The following C16orf78 variants were observed in gnomAD, a reference collection of about 807,000 sequenced individuals.
C16orf78 encodes the protein uncharacterized protein C16orf78.
A neutral mutation model predicts 27.3 loss-of-function variants in C16orf78; 19 were observed. The ratio of observed to expected loss-of-function variants is 0.70; its 90% CI spans 0.49 to 1.02. The LOEUF (loss-of-function observed/expected upper bound fraction) is 1.02. Ranked by LOEUF, C16orf78 falls within the 50% of genes least tolerant of loss-of-function variation. The pLI, the probability that C16orf78 is intolerant of heterozygous loss-of-function variation, is 0.00. For missense variants in C16orf78, 339 were observed against 337.0 expected (o/e 1.01, Z -0.05); for synonymous variants, 130 against 116.1 (o/e 1.12, Z -0.77).
intron 3 of C16orf78, among the ~76,000 whole-genome samples, chr16:49,391,013 A>G (rs1175967429): frequency 1.3e-5 from 2 of 152,116 alleles, no homozygotes; most frequent in Non-Finnish European, 2.9e-5. Flanking sequence ...GACATGCCCA[A>G]TTTTTTAATT....
intron 3 of C16orf78, among the ~76,000 whole-genome samples, chr16:49,392,023 T>A (rs1596930224): frequency 6.6e-6 from 1 of 152,198 alleles, no homozygotes; most frequent in African/African-American, 2.4e-5. Context: ...TTGTGACACC[T>A]TGGGCAGGTC....
At chr16:49,377,952 C>G (rs27812) in intron 2 of C16orf78, 102 bp downstream of exon 2, 14 of 1,454,280 alleles carry the variant, frequency 9.6e-6, no homozygotes, top group Non-Finnish European at 1.3e-5. Flanking sequence ...TTCTAAATTT[C>G]AAGGCTCCGA....
chr16:49,388,678 A>G (rs1028219326), intron 3 of C16orf78, among the ~76,000 whole-genome samples: 6 of 152,056 alleles, frequency 3.9e-5, no homozygotes, highest in African/African-American at 1.2e-4. Flanking sequence ...TGGCCAGCAA[A>G]TTTTTGTATT....
chr16:49,396,153 G>A (rs573212354), intron 3 of C16orf78, among the ~76,000 whole-genome samples: 16 of 152,200 alleles, frequency 1.1e-4, no homozygotes, highest in Admixed American at 3.9e-4. Context: ...GAAGCAGGAG[G>A]ATCACTTGAA....
Position 49,399,422 on chromosome 16 carries a change from T to C in C16orf78, c.*144T>C, listed in dbSNP as rs1328444736. 6 of 977,066 alleles carry C rather than the reference T, an allele frequency of 6.1e-6. No homozygotes were observed. The highest frequency in any genetic ancestry group is 5.4e-5 in the South Asian group (3 of 55,800). The allele number at this position is 977,066 out of a possible 1,614,324, so 60.5% of individuals were successfully genotyped here. On this transcript the variant is annotated 3_prime_UTR_variant, in exon 5 of 5. Transcript: ENST00000299191. ...AAGCAATCAGAAAACAAGCCTCGGCTGTGTGATCATTGTGCTTCCGTAAGA... is the reference window on the plus strand; with the variant it reads ...AAGCAATCAGAAAACAAGCCTCGGCCGTGTGATCATTGTGCTTCCGTAAGA...
intron 2 of C16orf78, 38 bp downstream of exon 2, chr16:49,377,888 G>A: frequency 6.5e-7 from 1 of 1,549,724 alleles, no homozygotes; most frequent in Non-Finnish European, 8.7e-7. Context: ...CCCCCACTGG[G>A]TCTCCAAATG....
At chr16:49,379,272 T>C (rs937313878) in intron 3 of C16orf78, among the ~76,000 whole-genome samples, 7 of 152,124 alleles carry the variant, frequency 4.6e-5, no homozygotes, top group African/African-American at 1.7e-4. Context: ...GTGGTTTTTT[T>C]CTAAGTAAAA....
intron 3 of C16orf78, among the ~76,000 whole-genome samples, chr16:49,386,352 G>T (rs1198383313): frequency 1.3e-5 from 2 of 152,116 alleles, no homozygotes; most frequent in East Asian, 1.9e-4. Flanking sequence ...TAGACCAAAT[G>T]GACCTAACAT....
chr16:49,384,330 A>G (rs1363232664), intron 3 of C16orf78, among the ~76,000 whole-genome samples: 4 of 150,104 alleles, frequency 2.7e-5, no homozygotes, highest in Non-Finnish European at 5.9e-5. Flanking sequence ...CCTGGGCAAC[A>G]AGAGCAAAAC....
At chr16:49,383,672 C>T (rs897036155) in intron 3 of C16orf78, among the ~76,000 whole-genome samples, 1 of 152,210 alleles carries the variant, frequency 6.6e-6, no homozygotes, top group Non-Finnish European at 1.5e-5. Flanking sequence ...CATTGGCCTT[C>T]CTCAGTTATT....
chr16:49,375,876 GGTTAATAT>G (rs1441948245), intron 1 of C16orf78, among the ~76,000 whole-genome samples: 5 of 152,050 alleles, frequency 3.3e-5, no homozygotes, highest in African/African-American at 1.2e-4. Flanking sequence ...TCACTTCCCT[GGTTAATAT>G]GTTCAGGTCT....
chr16:49,386,077 T>C (rs1965347067), intron 3 of C16orf78, among the ~76,000 whole-genome samples: 1 of 152,160 alleles, frequency 6.6e-6, no homozygotes, highest in Non-Finnish European at 1.5e-5. Context: ...TATACTTATA[T>C]CAGATTTTAA....
intron 3 of C16orf78, among the ~76,000 whole-genome samples, chr16:49,386,474 A>G (rs939965385): frequency 6.6e-6 from 1 of 152,210 alleles, no homozygotes; most frequent in Admixed American, 6.5e-5. Context: ...GCAGTGGTAC[A>G]TGTGCAGATT....
intron 1 of C16orf78, among the ~76,000 whole-genome samples, chr16:49,377,513 C>G (rs1965233938): frequency 6.6e-6 from 1 of 152,200 alleles, no homozygotes; most frequent in East Asian, 1.9e-4. Flanking sequence ...GGAACAGGAC[C>G]AGGCCTGAGG....
chr16:49,398,429 TG>T (rs1176513618), intron 4 of C16orf78, among the ~76,000 whole-genome samples: 6 of 152,212 alleles, frequency 3.9e-5, no homozygotes, highest in African/African-American at 1.2e-4. Flanking sequence ...ATCAGAATTA[TG>T]GGGCTCTAGC....
intron 3 of C16orf78, among the ~76,000 whole-genome samples, chr16:49,390,603 A>C (rs1965400392): frequency 6.6e-6 from 1 of 152,132 alleles, no homozygotes; most frequent in South Asian, 2.1e-4. Context: ...TCTTAATGTG[A>C]CCCTGCCTTG....
intron 3 of C16orf78, among the ~76,000 whole-genome samples, chr16:49,390,197 T>A (rs1965395895): frequency 6.6e-6 from 1 of 152,244 alleles, no homozygotes. Flanking sequence ...GAGCTTATGA[T>A]GTGCCTCAGT....
At chr16:49,398,005 G>C (rs1965494962) in intron 4 of C16orf78, among the ~76,000 whole-genome samples, 1 of 152,120 alleles carries the variant, frequency 6.6e-6, no homozygotes, top group African/African-American at 2.4e-5. Context: ...TTCTCAGGTG[G>C]TTCACCTTCC....
In C16orf78 at chr16:49,374,034, C is replaced by G; in HGVS notation, c.95C>G (p.Thr32Ser). Reference sequence around the variant, plus strand: ...GAAGATAGGCGCATGTCTGACCTCACCTGTGTGCTGGAGTGGCTGGAGCGG... The same window carrying G: ...GAAGATAGGCGCATGTCTGACCTCAGCTGTGTGCTGGAGTGGCTGGAGCGG... ...TAEDRRMSDL[T>S]CVLEWLERRQ... The change falls in exon 1 of 5, where the codon ACC becomes AGC. Residue 32 changes from threonine to serine, a missense_variant. Thr to Ser is a moderately conservative substitution (Grantham distance 58, BLOSUM62 1). Transcript: ENST00000299191. The G allele has an allele frequency of 6.2e-7, 1 of 1,614,168 alleles. No homozygotes were observed. The highest frequency in any genetic ancestry group is 8.5e-7 in the Non-Finnish European group (1 of 1,180,032).
Sources: allele counts gnomAD v4.1 joint callset (sites outside exome capture counted in the v4.1 genomes callset), GRCh38; gene constraint gnomAD v4.1.1; transcripts MANE v1.5; gene names NCBI Gene and HGNC (gene_info 2026-07-23, HGNC 2026-07-21).